MUC7: variants seen among roughly 807,000 people sequenced by gnomAD.
The protein encoded by MUC7 is mucin 7, secreted, also known as mucin-7.
Under a neutral mutation model 2.5 loss-of-function variants are expected in MUC7, and 2 were observed. The ratio of observed to expected loss-of-function variants is 0.81; its 90% CI spans 0.33 to 2.55. The LOEUF (loss-of-function observed/expected upper bound fraction) is 2.55. MUC7 is among the 30% of genes most tolerant of loss of function. The pLI is 0.11. For synonymous variants in MUC7, 133 were observed against 173.4 expected, an observed-to-expected ratio of 0.77 and a Z score of 1.83; for missense variants, 408 against 455.6, an observed-to-expected ratio of 0.90 and a Z score of 0.95.
chr4:70,472,470 A>C (rs2109738673), intron 1 of MUC7, among the ~76,000 whole-genome samples, 179 bp downstream of exon 1: 1 of 152,310 alleles, frequency 6.6e-6, no homozygotes. Context: ...GATTGGTAGG[A>C]ATGTTTTTTG....
rs182399207 is a variant in MUC7 at position 70,462,702 on chromosome 4, A to G, written c.-92-9513A>G. ...AAGCTGAAGCACTCTGCCTGGTGCAATGGCTCATGCCTGTAATCCCAGATA... is the reference window on the plus strand; with the variant it reads ...AAGCTGAAGCACTCTGCCTGGTGCAGTGGCTCATGCCTGTAATCCCAGATA... On this transcript the variant is annotated intron_variant, in intron 1 of 3. Transcript: ENST00000413702. Among the ~76,000 whole-genome samples the G allele has an allele frequency of 4.2e-3, 636 of 152,260 alleles. 7 individuals carry two copies. Among genetic ancestry groups the G allele is most frequent in the African/African-American group, 0.015 (610 of 41,552 alleles).
intron 2 of MUC7, among the ~76,000 whole-genome samples, chr4:70,478,919 C>T (rs1735088482): frequency 6.6e-6 from 1 of 152,210 alleles, no homozygotes; most frequent in Admixed American, 6.5e-5. Flanking sequence ...ATACCAAAGT[C>T]ATGTGAGTAT....
intron 1 of MUC7, among the ~76,000 whole-genome samples, chr4:70,461,855 C>T (rs1734565535): frequency 6.6e-6 from 1 of 151,328 alleles, no homozygotes; most frequent in African/African-American, 2.4e-5. Context: ...AAAGAGCCAG[C>T]TTTAGTAAAC....
At chr4:70,432,496 A>G (rs1733700600) in intron 1 of MUC7, among the ~76,000 whole-genome samples, 1 of 152,348 alleles carries the variant, frequency 6.6e-6, no homozygotes, top group East Asian at 1.9e-4. Context: ...TCTGATGGCC[A>G]GTGATGATGA....
intron 1 of MUC7, among the ~76,000 whole-genome samples, chr4:70,453,730 T>C (rs1317069873): frequency 2.0e-5 from 3 of 152,184 alleles, no homozygotes; most frequent in Non-Finnish European, 4.4e-5. Context: ...GGGAATGATC[T>C]GGGTCTCACC....
intron 1 of MUC7, among the ~76,000 whole-genome samples, chr4:70,434,144 TG>T (rs1231625011): frequency 3.3e-5 from 5 of 152,218 alleles, no homozygotes; most frequent in Admixed American, 3.3e-4. Flanking sequence ...TGAGGATTTT[TG>T]CATCAATGTT....
At chr4:70,453,697 C>A (rs940807028) in intron 1 of MUC7, among the ~76,000 whole-genome samples, 2 of 152,182 alleles carry the variant, frequency 1.3e-5, no homozygotes, top group Non-Finnish European at 2.9e-5. Flanking sequence ...TAGAAGGAGT[C>A]TCTCACCATA....
At chr4:70,468,438 G>C (rs189723485), upstream of MUC7, among the ~76,000 whole-genome samples, 8 of 152,148 alleles carry the variant, frequency 5.3e-5, no homozygotes, top group East Asian at 5.8e-4. Context: ...AGAAATAAAG[G>C]GTATTCAAAT....
At chr4:70,460,474 T>TC (rs1474152174) in intron 1 of MUC7, among the ~76,000 whole-genome samples, 1 of 151,352 alleles carries the variant, frequency 6.6e-6, no homozygotes, top group African/African-American at 2.4e-5. Context: ...AAAATTCTTT[T>TC]TTTTTTTTGA....
At chr4:70,446,296 C>A (rs1216101181) in intron 1 of MUC7, among the ~76,000 whole-genome samples, 1 of 152,168 alleles carries the variant, frequency 6.6e-6, no homozygotes, top group Non-Finnish European at 1.5e-5. Flanking sequence ...TGTAATAATG[C>A]ATGCACATTC....
chr4:70,433,708 C>A (rs968759633), intron 1 of MUC7, among the ~76,000 whole-genome samples: 1 of 152,096 alleles, frequency 6.6e-6, no homozygotes, highest in African/African-American at 2.4e-5. Flanking sequence ...TAATTGAATA[C>A]CCTTTATTTC....
intron 1 of MUC7, among the ~76,000 whole-genome samples, chr4:70,454,790 C>T (rs989352009): frequency 2.0e-5 from 3 of 152,134 alleles, no homozygotes; most frequent in African/African-American, 7.2e-5. Context: ...GGGGTGAATG[C>T]AGAAGCGGGT....
chr4:70,466,476 A>C (rs1734685738), intron 1 of MUC7, among the ~76,000 whole-genome samples: 1 of 152,218 alleles, frequency 6.6e-6, no homozygotes, highest in Non-Finnish European at 1.5e-5. Context: ...AATTGGATAA[A>C]GACTCAAGAC....
chr4:70,472,902 C>T (rs1380520318), intron 1 of MUC7, among the ~76,000 whole-genome samples: 1 of 152,142 alleles, frequency 6.6e-6, no homozygotes, highest in Non-Finnish European at 1.5e-5. Flanking sequence ...TATGATTTAA[C>T]CTTTATTTTG....
rs72853707 is a variant in MUC7 at position 70,442,834 on chromosome 4, A to C, written c.-93+12147A>C. Among the ~76,000 whole-genome samples the C allele has an allele frequency of 5.1e-3, 773 of 152,256 alleles. 5 individuals are homozygous for C. The highest frequency in any genetic ancestry group is 0.018 in the African/African-American group (742 of 41,544). ...TAAGCCAAAAACTAGACTATTACAAAATCTTTCTTCTCAAGGACCAGCTTC... is the reference window on the plus strand; with the variant it reads ...TAAGCCAAAAACTAGACTATTACAACATCTTTCTTCTCAAGGACCAGCTTC... On this transcript the variant is annotated intron_variant, in intron 1 of 3. Coordinates refer to the MUC7 transcript ENST00000413702.
intron 1 of MUC7, among the ~76,000 whole-genome samples, chr4:70,437,006 T>C (rs1011154748): frequency 2.6e-5 from 4 of 152,170 alleles, no homozygotes; most frequent in African/African-American, 9.7e-5. Flanking sequence ...CCAGACCCTG[T>C]TTGCTGGGTA....
At chr4:70,463,653 C>A (rs1048323002) in intron 1 of MUC7, among the ~76,000 whole-genome samples, 1 of 152,164 alleles carries the variant, frequency 6.6e-6, no homozygotes, top group African/African-American at 2.4e-5. Context: ...GATTTGTAGT[C>A]CACATGTCAG....
At chr4:70,468,106 G>A (rs908955066), upstream of MUC7, among the ~76,000 whole-genome samples, 25 of 152,044 alleles carry the variant, frequency 1.6e-4, no homozygotes, top group Non-Finnish European at 2.5e-4. Context: ...TTCAACATAC[G>A]CAAATCAATA....
intron 1 of MUC7, among the ~76,000 whole-genome samples, chr4:70,436,580 C>G (rs1231896302): frequency 2.6e-5 from 4 of 152,170 alleles, no homozygotes; most frequent in African/African-American, 9.7e-5. Context: ...ACTTGTTATT[C>G]TAGTTAGCCA....
Sources: gnomAD v4.1 joint callset for allele counts (sites outside exome capture counted in the v4.1 genomes callset) on GRCh38, gnomAD v4.1.1 for gene constraint, MANE v1.5 for transcripts, NCBI Gene and HGNC (gene_info 2026-07-23, HGNC 2026-07-21) for gene names.